Variants in CNTN5 observed in about 807,000 individuals in gnomAD.
The protein encoded by CNTN5 is contactin 5, also known as contactin-5.
Under a neutral mutation model 129.1 loss-of-function variants are expected in CNTN5, and 77 were observed. That is an observed-to-expected ratio of 0.60 (90% CI 0.50 to 0.72). The LOEUF (loss-of-function observed/expected upper bound fraction) is 0.72, where lower values mean the gene tolerates loss of function less well. Among genes scored for constraint, CNTN5 ranks in the 30% least tolerant of loss-of-function variants. The pLI, the probability that CNTN5 is intolerant of heterozygous loss-of-function variation, is 0.00. For synonymous variants in CNTN5, 509 were observed against 465.6 expected, an observed-to-expected ratio of 1.09 and a Z score of -1.20; for missense variants, 1,478 against 1,328.8, an observed-to-expected ratio of 1.11 and a Z score of -1.75.
At chr11:99,364,410 C>T (rs1939316791) in intron 2 of CNTN5, among the ~76,000 whole-genome samples, 1 of 152,042 alleles carries the variant, frequency 6.6e-6, no homozygotes. Context: ...CTGAAGTACA[C>T]ACAGTGTTGT....
intron 1 of CNTN5, among the ~76,000 whole-genome samples, chr11:99,058,782 G>A (rs1238902221): frequency 6.6e-6 from 1 of 151,690 alleles, no homozygotes; most frequent in Non-Finnish European, 1.5e-5. Context: ...CTGAGCAGGA[G>A]GCGAGGAAAA....
chr11:99,131,142 G>C (rs1384824978), intron 1 of CNTN5, among the ~76,000 whole-genome samples: 3 of 124,086 alleles, frequency 2.4e-5, no homozygotes, highest in Non-Finnish European at 3.4e-5. Context: ...CAGCTACTCA[G>C]GAGGCTGAGG....
chr11:100,258,057 T>C (rs1225677594), intron 17 of CNTN5, among the ~76,000 whole-genome samples: 1 of 152,080 alleles, frequency 6.6e-6, no homozygotes, highest in African/African-American at 2.4e-5. Context: ...TTAGATGAAT[T>C]ACTAACTAAA....
chr11:99,285,973 G>T (rs957797771), intron 1 of CNTN5, among the ~76,000 whole-genome samples: 2 of 149,820 alleles, frequency 1.3e-5, no homozygotes, highest in Non-Finnish European at 3.0e-5. Context: ...AGGAGGCAGA[G>T]GTTGTAGCGA....
At chr11:99,089,294 C>T (rs540612224) in intron 1 of CNTN5, among the ~76,000 whole-genome samples, 1 of 152,092 alleles carries the variant, frequency 6.6e-6, no homozygotes, top group South Asian at 2.1e-4. Context: ...ACTGTAAAAT[C>T]TTGTAAATAG....
At chr11:99,432,464 C>CCTTTCCTTTTCTTTT (rs1555143591) in intron 2 of CNTN5, among the ~76,000 whole-genome samples, 2 of 116,378 alleles carry the variant, frequency 1.7e-5, no homozygotes, top group Non-Finnish European at 3.6e-5. Context: ...TCTTTTCTTT[C>CCTTTCCTTTTCTTTT]CTTTTCTTTT....
At chr11:100,217,076 A>C (rs2138605382) in intron 15 of CNTN5, among the ~76,000 whole-genome samples, 1 of 152,136 alleles carries the variant, frequency 6.6e-6, no homozygotes, top group Non-Finnish European at 1.5e-5. Context: ...CACTAAAATC[A>C]TTTTTTTCTG....
Position 99,385,860 on chromosome 11 carries a change from C to T in CNTN5, c.-71+60376C>T, listed in dbSNP as rs188593563. ...TGTATATATGGAATTGTACATCCTA[C>T]AAGATCTTTAGACAGTCTTCCTCAT... On this transcript the variant is annotated intron_variant, in intron 2 of 24. Transcript: ENST00000524871. Among the ~76,000 whole-genome samples the T allele has an allele frequency of 2.1e-3, 322 of 152,232 alleles. 1 individual carries two copies. Among genetic ancestry groups the T allele is most frequent in the African/African-American group, 7.5e-3 (310 of 41,544 alleles).
chr11:99,987,734 A>G (rs1038745789), intron 8 of CNTN5, among the ~76,000 whole-genome samples: 3 of 152,066 alleles, frequency 2.0e-5, no homozygotes, highest in Non-Finnish European at 4.4e-5. Flanking sequence ...TTTCCTGGGG[A>G]GCAGAATAAA....
rs201464362 is a variant in CNTN5, at chr11:100,070,547, C to T, written c.1286C>T (p.Pro429Leu). 27 of 1,612,798 alleles carry T rather than the reference C, an allele frequency of 1.7e-5. No individual in the cohort carries two copies. Among genetic ancestry groups the T allele is most frequent in the Non-Finnish European group, 2.3e-5 (27 of 1,179,364 alleles). The change falls in exon 11 of 25, where the codon CCC (proline) becomes CTC (leucine). Residue 429 changes from proline to leucine, a missense_variant. Transcript: ENST00000524871. Reference sequence around the variant, plus strand: ...TATCGTTGGCTGAAGAATGGAGTACCCCTCTCACCTCAGGTACTGTTGGGA... The same window carrying T: ...TATCGTTGGCTGAAGAATGGAGTACTCCTCTCACCTCAGGTACTGTTGGGA... Reference protein sequence around the residue: ...PTYRWLKNGVPLSPQSRVEMV... With the variant: ...PTYRWLKNGVLLSPQSRVEMV...
rs545808501 is a variant in CNTN5 at position 100,039,142 on chromosome 11, T to G, written c.981-22070T>G. On this transcript the variant is annotated intron_variant, in intron 9 of 24. Coordinates refer to ENST00000524871, the MANE Select transcript of CNTN5 (RefSeq NM_014361.4). ...TTTCCATGTTTAGTGCTTCCTTCAG[T>G]AGCTCTTTTAGGGCAGGCCTGGTAG... is the stretch of plus-strand genomic sequence containing the variant. Among the ~76,000 whole-genome samples the G allele has an allele frequency of 2.6e-3, 403 of 152,334 alleles. 1 individual carries two copies. Among genetic ancestry groups the G allele is most frequent in the Admixed American group, 0.01 (159 of 15,300 alleles).
chr11:99,961,326 C>T (rs1473947662), intron 8 of CNTN5, among the ~76,000 whole-genome samples: 1 of 151,974 alleles, frequency 6.6e-6, no homozygotes, highest in East Asian at 1.9e-4. Context: ...CATTTGCTAC[C>T]TGTCGCCCTT....
At chr11:100,348,605 T>A (rs1051174358) in intron 23 of CNTN5, among the ~76,000 whole-genome samples, 1 of 151,998 alleles carries the variant, frequency 6.6e-6, no homozygotes, top group Non-Finnish European at 1.5e-5. Flanking sequence ...CCCCTGCCAA[T>A]CCTCACCAAT....
chr11:100,138,760 C>G (rs1409332308), intron 13 of CNTN5, among the ~76,000 whole-genome samples: 1 of 152,068 alleles, frequency 6.6e-6, no homozygotes, highest in Non-Finnish European at 1.5e-5. Context: ...ATGACTTATT[C>G]TCTACTGGAT....
chr11:99,628,460 C>G (rs1392616076), intron 3 of CNTN5, among the ~76,000 whole-genome samples: 2 of 151,922 alleles, frequency 1.3e-5, no homozygotes, highest in African/African-American at 4.8e-5. Flanking sequence ...ATTTAATCAA[C>G]CTCCAATGCT....
chr11:100,300,193 C>T (rs1455897455), intron 20 of CNTN5, among the ~76,000 whole-genome samples: 1 of 151,364 alleles, frequency 6.6e-6, no homozygotes, highest in Admixed American at 6.6e-5. Context: ...ACAGTGGAAA[C>T]CCTGCTTCCT....
At chr11:99,117,796 G>A (rs1273191157) in intron 1 of CNTN5, among the ~76,000 whole-genome samples, 1 of 152,086 alleles carries the variant, frequency 6.6e-6, no homozygotes, top group African/African-American at 2.4e-5. Context: ...TGAGAAGACA[G>A]CCATCTTCTC....
chr11:100,056,173 C>A (rs756151221), intron 9 of CNTN5, among the ~76,000 whole-genome samples: 7 of 151,502 alleles, frequency 4.6e-5, no homozygotes, highest in Non-Finnish European at 8.9e-5. Flanking sequence ...CTTCCTTGAT[C>A]ATTTTTAACC....
At chr11:99,298,734 C>T (rs1864494418) in intron 1 of CNTN5, among the ~76,000 whole-genome samples, 1 of 151,910 alleles carries the variant, frequency 6.6e-6, no homozygotes, top group Non-Finnish European at 1.5e-5. Flanking sequence ...TAAATCCAGC[C>T]CAAAAAACAT....
Sources: gnomAD v4.1 joint callset for allele counts (sites outside exome capture counted in the v4.1 genomes callset) on GRCh38, gnomAD v4.1.1 for gene constraint, MANE v1.5 for transcripts, NCBI Gene and HGNC (gene_info 2026-07-23, HGNC 2026-07-21) for gene names.